NBPF20: variants seen among roughly 807,000 people sequenced by gnomAD.
NBPF20 encodes the protein NBPF member 20, also known as NBPF family member NBPF20.
Under a neutral mutation model 68.1 loss-of-function variants are expected in NBPF20, and 90 were observed. That is an observed-to-expected ratio of 1.32 (90% CI 1.11 to 1.58). The LOEUF is 1.58. Ranked by LOEUF, NBPF20 falls within the 40% of genes most tolerant of loss-of-function variation. The pLI is 0.00. For missense variants in NBPF20, 816 were observed against 601.2 expected, an observed-to-expected ratio of 1.36 and a Z score of -3.74; for synonymous variants, 290 against 228.1, an observed-to-expected ratio of 1.27 and a Z score of -2.45.
At chr1:145,408,467 C>T (rs2749200), upstream of NBPF20, among the ~76,000 whole-genome samples, 2 of 151,986 alleles carry the variant, frequency 1.3e-5, no homozygotes, top group African/African-American at 2.4e-5. Context: ...TGTATTCTTT[C>T]ACTTTGATAT....
Position 145,402,395 on chromosome 1 carries a change from G to A in NBPF20, c.279-14C>T. The A allele has an allele frequency of 6.2e-7, 1 of 1,601,710 alleles. No homozygotes were observed. The highest frequency in any genetic ancestry group is 1.1e-5 in the South Asian group (1 of 90,766). On this transcript the variant is annotated splice_polypyrimidine_tract_variant and intron_variant, in intron 3 of 137. Coordinates refer to ENST00000369373, the Ensembl canonical transcript of NBPF20. ...ACTTTATATTGCCTAAGGTGAGACG[G>A]TAGAGAAAATTTAAGAGTGGAAAGG...
intron 119 of NBPF20, among the ~76,000 whole-genome samples, chr1:145,306,272 C>G (rs1661405926): frequency 1.3e-5 from 2 of 148,380 alleles, no homozygotes; most frequent in Admixed American, 6.7e-5. Flanking sequence ...GACACACACA[C>G]ACACACACAC....
exon 5 of NBPF20, chr1:145,401,073 T>C (rs1662501046): frequency 1.4e-5 from 23 of 1,608,220 alleles, no homozygotes; most frequent in Non-Finnish European, 1.2e-5. Context: ...GGGCAGACGA[T>C]TTCTGCACTT....
the NBPF20 span, among the ~76,000 whole-genome samples, chr1:145,410,737 T>TGTATATATATATACATATATATATATAC: frequency 8.5e-4 from 123 of 144,600 alleles, no homozygotes; most frequent in Middle Eastern, 3.6e-3. Flanking sequence ...TGCCTGTCTG[T>TGTATATATATATACATATATATATATAC]GTATATATAT....
rs1345067372 is a variant in NBPF20 at position 145,395,057 on chromosome 1, C to T, written c.912G>A (p.Met304Ile). 5.1e-4 allele frequency: 822 copies of T among 1,611,302 alleles called. 1 individual carries two copies. In the African/African-American group the frequency reaches 9.3e-3, roughly 18 times the overall value. ...TGCTGTAAGACTGGTACGAGGCCAA[C>T]ATTTCAGGAGGAATTGAGAGAGTCG... Residue 304 changes from methionine (M) to isoleucine (I), a missense_variant, in exon 8 of 138, where the codon ATG (methionine) becomes ATA (isoleucine). Transcript: ENST00000369373.
At chr1:145,397,638 C>T (rs1212100562) in intron 7 of NBPF20, among the ~76,000 whole-genome samples, 6 of 152,276 alleles carry the variant, frequency 3.9e-5, no homozygotes, top group African/African-American at 1.4e-4. Context: ...ACATGCCAAA[C>T]TGTAAAGACC....
the NBPF20 span, among the ~76,000 whole-genome samples, chr1:145,425,567 CG>C: frequency 7.9e-5 from 12 of 152,228 alleles, no homozygotes; most frequent in African/African-American, 2.4e-4. Flanking sequence ...CCATAGCCTG[CG>C]GCCAGCTGGA....
At chr1:145,425,150 G>C in the NBPF20 span, among the ~76,000 whole-genome samples, 1 of 152,150 alleles carries the variant, frequency 6.6e-6, no homozygotes, top group Non-Finnish European at 1.5e-5. Flanking sequence ...AGAGATGAGG[G>C]CTGCGGGCGG....
chr1:145,404,984 G>C (rs1412635499), intron 2 of NBPF20, 114 bp downstream of exon 7: 2 of 1,433,006 alleles, frequency 1.4e-6, no homozygotes, highest in Non-Finnish European at 2.0e-6. Flanking sequence ...ACCCATTTCT[G>C]TTTTCCTACA....
At chr1:145,291,476 C>T (rs782638428) in exon 138 of NBPF20, 10 of 1,611,970 alleles carry the variant, frequency 6.2e-6, no homozygotes, top group Non-Finnish European at 6.8e-6. Flanking sequence ...CTTCACGTGC[C>T]TATAGGTCCT....
the NBPF20 span, among the ~76,000 whole-genome samples, chr1:145,414,965 A>G: frequency 1.3e-5 from 2 of 152,130 alleles, no homozygotes; most frequent in East Asian, 3.9e-4. Context: ...GACAAAGTAC[A>G]GAGGAAGAAA....
At chr1:145,291,751 C>T (rs369725489) in exon 138 of NBPF20, 7 of 1,611,828 alleles carry the variant, frequency 4.3e-6, no homozygotes, top group East Asian at 2.2e-5. Flanking sequence ...CTTCCACTTC[C>T]ATCAGCACGC....
intron 3 of NBPF20, 55 bp downstream of exon 8, chr1:145,403,161 T>C (rs1221996387): frequency 1.2e-6 from 2 of 1,607,764 alleles, no homozygotes; most frequent in East Asian, 4.5e-5. Flanking sequence ...CGAGCTGCTG[T>C]ATTTCAGAGA....
rs1207052856 is a variant in NBPF20 at position 145,396,375 on chromosome 1, G to C, written c.828-1234C>G. ...ATGTGGAAAGACCAAATCTACATTT[G>C]ATTGGTGTACTGAAAGTGACGGGGA... On this transcript the variant is annotated intron_variant, in intron 7 of 137. Coordinates refer to ENST00000369373, the Ensembl canonical transcript of NBPF20. Among the ~76,000 whole-genome samples, 22 of 151,242 alleles carry C rather than the reference G, an allele frequency of 1.5e-4. 2 individuals carry two copies. The highest frequency in any genetic ancestry group is 1.2e-3 in the Admixed American group (18 of 15,180).
chr1:145,402,493 G>C (rs1180862830), intron 3 of NBPF20, 112 bp from the exon 9 acceptor site: 2 of 1,076,894 alleles, frequency 1.9e-6, no homozygotes, highest in Non-Finnish European at 1.4e-6. Flanking sequence ...GAAGCAGAAG[G>C]TCAGCACATG....
chr1:145,311,052 G>T lies in NBPF20; in HGVS notation c.13713-222C>A, dbSNP rs1450167900. On this transcript the variant is annotated intron_variant, in intron 113 of 137. Transcript: ENST00000369373. The stretch of plus-strand genomic sequence containing the variant: ...AGGGAGGGAGAGAGAGAGAGAGAGA[G>T]AGGAGAAAGTAAGCTCAGCGAGTTG... Among the ~76,000 whole-genome samples, 23 of 87,104 alleles carry T rather than the reference G, an allele frequency of 2.6e-4. 5 individuals carry two copies. In the Admixed American group the frequency reaches 2.8e-3, roughly 10 times the overall value. The allele number at this position is 87,104 out of a possible 152,430, so 57.1% of individuals were successfully genotyped here. A position where few individuals can be genotyped will look rare whatever the true frequency, so the allele number is the denominator to read the frequency against.
chr1:145,399,693 C>G (rs1407609097), intron 6 of NBPF20, among the ~76,000 whole-genome samples: 1 of 131,110 alleles, frequency 7.6e-6, no homozygotes, highest in Non-Finnish European at 1.6e-5. Flanking sequence ...AGGAGAATCA[C>G]TTGAATCTGG....
At chr1:145,401,129 T>A in exon 5 of NBPF20, 1 of 1,604,776 alleles carries the variant, frequency 6.2e-7, no homozygotes, top group Non-Finnish European at 8.5e-7. Flanking sequence ...TCGTTGTCAT[T>A]TTCTGTAAAT....
intron 7 of NBPF20, among the ~76,000 whole-genome samples, chr1:145,395,692 C>A (rs1440786221): frequency 6.7e-5 from 10 of 148,812 alleles, no homozygotes; most frequent in African/African-American, 2.6e-4. Context: ...TAGGCAACAC[C>A]AAGAAATCCC....
Sources: allele counts gnomAD v4.1 joint callset (sites outside exome capture counted in the v4.1 genomes callset), GRCh38; gene constraint gnomAD v4.1.1; transcripts MANE v1.5; gene names NCBI Gene and HGNC (gene_info 2026-07-23, HGNC 2026-07-21).